C16orf96: variants seen among roughly 807,000 people sequenced by gnomAD.
C16orf96 encodes the protein uncharacterized protein C16orf96.
Under a neutral mutation model 103.6 loss-of-function variants are expected in C16orf96, and 108 were observed. The ratio of observed to expected loss-of-function variants is 1.04; its 90% CI spans 0.89 to 1.22. The LOEUF (loss-of-function observed/expected upper bound fraction) is 1.22, where lower values mean the gene tolerates loss of function less well. Ranked by LOEUF, C16orf96 falls within the 50% of genes most tolerant of loss-of-function variation. The pLI is 0.00. For missense variants in C16orf96, 1,586 were observed against 1,464.2 expected, an observed-to-expected ratio of 1.08 and a Z score of -1.36; for synonymous variants, 566 against 593.5, an observed-to-expected ratio of 0.95 and a Z score of 0.67.
intron 1 of C16orf96, among the ~76,000 whole-genome samples, chr16:4,565,136 C>G (rs1292171074): frequency 6.6e-6 from 1 of 152,028 alleles, no homozygotes; most frequent in Non-Finnish European, 1.5e-5. Context: ...AAGTACTGGG[C>G]CCTAGCTGAA....
chr16:4,581,506 G>A (rs977409530), intron 7 of C16orf96, among the ~76,000 whole-genome samples: 4 of 151,042 alleles, frequency 2.6e-5, no homozygotes, highest in Admixed American at 6.6e-5. Flanking sequence ...GGTGGCTGGC[G>A]CCTGTAGTCC....
the C16orf96 span, among the ~76,000 whole-genome samples, chr16:4,551,085 C>A: frequency 6.6e-6 from 1 of 152,168 alleles, no homozygotes. Flanking sequence ...CCAGCCTGGC[C>A]AACATGGTGA....
rs529422002 is a variant in C16orf96 at position 4,568,884 on chromosome 16, C to T, written c.421-2677C>T. Among the ~76,000 whole-genome samples the T allele has an allele frequency of 2.6e-5, 4 of 152,086 alleles. No homozygotes were observed. In the South Asian group the frequency reaches 6.2e-4, roughly 24 times the overall value. On this transcript the variant is annotated intron_variant, in intron 1 of 15. Transcript: ENST00000444310. The stretch of plus-strand genomic sequence containing the variant: ...GGCTCAAGTGATCCACCTGCTTCAG[C>T]CCCCCAAAATGCTGGGATTACAGAT...
At position 4,556,540 on chromosome 16, in the gene C16orf96, G is replaced by A. The variant is rs936589840; in HGVS notation, c.51G>A (p.Gln17=). 3.2e-6 allele frequency: 5 copies of A among 1,550,246 alleles called. No homozygotes were observed. The highest frequency in any genetic ancestry group is 4.4e-6 in the Non-Finnish European group (5 of 1,146,068). Residue 17 remains glutamine (Q), a synonymous_variant, in exon 1 of 16, where the codon CAG becomes CAA. Transcript: ENST00000444310. Reference sequence around the variant, plus strand: ...AGCTGGCCAACATCGCCATCCCACAGTGCGGGGTGCTGAACTTCAAGGCCC... The same window carrying A: ...AGCTGGCCAACATCGCCATCCCACAATGCGGGGTGCTGAACTTCAAGGCCC... ...FTELANIAIP[Q]CGVLNFKALH...
In C16orf96 at chr16:4,592,323, G is replaced by C; in HGVS notation, c.2730G>C (p.Val910=). 3 of 1,551,690 alleles carry C rather than the reference G, an allele frequency of 1.9e-6. No individual in the cohort carries two copies. Among genetic ancestry groups the C allele is most frequent in the Non-Finnish European group, 2.6e-6 (3 of 1,146,986 alleles). ...AGFRRKLFKR[V]KCISCDRPVE... Reference sequence around the variant, plus strand: ...CTTTCAGGAAGCTGTTCAAGCGCGTGAAGTGCATCTCCTGTGACCGGCCTG... The same window carrying C: ...CTTTCAGGAAGCTGTTCAAGCGCGTCAAGTGCATCTCCTGTGACCGGCCTG... Residue 910 remains valine (V), a synonymous_variant, in exon 11 of 16, where the codon GTG becomes GTC. Transcript: ENST00000444310.
the C16orf96 span, among the ~76,000 whole-genome samples, chr16:4,551,043 C>A: frequency 6.6e-6 from 1 of 152,170 alleles, no homozygotes; most frequent in Admixed American, 6.6e-5. Context: ...GAGGCTGAGG[C>A]CAGAGGACCG....
chr16:4,538,705 C>T, the C16orf96 span: 1 of 152,286 alleles, frequency 6.6e-6, no homozygotes, highest in Non-Finnish European at 1.5e-5. Context: ...GACTCACCGT[C>T]CCCGCAGCCC....
At chr16:4,589,314 C>T (rs1897002491) in intron 9 of C16orf96, among the ~76,000 whole-genome samples, 1 of 151,956 alleles carries the variant, frequency 6.6e-6, no homozygotes, top group South Asian at 2.1e-4. Context: ...TGTGGTGGCT[C>T]ACGCCTGTTA....
chr16:4,594,644 A>G (rs1200473107), intron 13 of C16orf96, 60 bp from the exon 14 acceptor site: 2 of 1,544,916 alleles, frequency 1.3e-6, no homozygotes, highest in Non-Finnish European at 1.8e-6. Context: ...TGCGTGTACC[A>G]AAGTTCGGGG....
Position 4,575,207 on chromosome 16 carries a change from T to A in C16orf96, c.727T>A (p.Ser243Thr). The change falls in exon 5 of 16, where the codon TCT becomes ACT. Residue 243 changes from serine to threonine, a missense_variant. By Grantham distance (58) the Ser-to-Thr change is moderately conservative (BLOSUM62 1). Coordinates refer to ENST00000444310, the MANE Select transcript of C16orf96 (RefSeq NM_001145011.2). ...TTCATCACCACTGGACCTGTGGCAG[T>A]CTGTAGAGCAGCTCCCAGAGGCTGC... ...IGSSPLDLWQ[S>T]VEQLPEAALA... 6.5e-7 allele frequency: 1 copy of A among 1,547,194 alleles called. No homozygotes were observed. Among genetic ancestry groups the A allele is most frequent in the Non-Finnish European group, 8.7e-7 (1 of 1,146,906 alleles).
intron 1 of C16orf96, among the ~76,000 whole-genome samples, chr16:4,570,327 T>C (rs1318755943): frequency 6.6e-6 from 1 of 152,162 alleles, no homozygotes. Context: ...CTTTCAGTTC[T>C]GTCAGTGTTT....
chr16:4,579,633 A>G (rs2059558825), intron 6 of C16orf96, among the ~76,000 whole-genome samples: 1 of 138,440 alleles, frequency 7.2e-6, no homozygotes, highest in Non-Finnish European at 1.5e-5. Context: ...TTTTTTTGAG[A>G]CGGAATCTTG....
chr16:4,561,265 C>G (rs1479365586), intron 1 of C16orf96: 1 of 152,156 alleles, frequency 6.6e-6, no homozygotes. Context: ...CAAGATCGCG[C>G]CACCACACTC....
chr16:4,573,645 A>G (rs2059465294), intron 2 of C16orf96, among the ~76,000 whole-genome samples: 1 of 149,740 alleles, frequency 6.7e-6, no homozygotes, highest in Admixed American at 6.7e-5. Context: ...CCAGTTACTC[A>G]GGAGGCTGAG....
intron 1 of C16orf96, chr16:4,562,954 C>G: frequency 7.2e-7 from 1 of 1,386,334 alleles, no homozygotes. Flanking sequence ...TCAATTAGCA[C>G]TTTGCCTTTA....
At position 4,571,552 on chromosome 16, in the gene C16orf96, C is replaced by T. The variant is rs2059438604; in HGVS notation, c.421-9C>T. On this transcript the variant is annotated splice_polypyrimidine_tract_variant and intron_variant, in intron 1 of 15. Transcript: ENST00000444310. ...ACCCGGCTTCACATTTTCTCCTCCTCTTTTGCAGTCAATGCAGACCCTGCA... is the reference window on the plus strand; with the variant it reads ...ACCCGGCTTCACATTTTCTCCTCCTTTTTTGCAGTCAATGCAGACCCTGCA... 6.4e-7 allele frequency: 1 copy of T among 1,550,918 alleles called. No individual in the cohort carries two copies. The highest frequency in any genetic ancestry group is 2.0e-5 in the Admixed American group (1 of 50,768).
At chr16:4,569,945 G>A (rs919794024) in intron 1 of C16orf96, among the ~76,000 whole-genome samples, 3 of 152,118 alleles carry the variant, frequency 2.0e-5, no homozygotes, top group Non-Finnish European at 2.9e-5. Context: ...TTCCCAGGAA[G>A]GTGCCAACTC....
chr16:4,575,105 C>G (rs368217239), intron 4 of C16orf96, 47 bp downstream of exon 4: 3 of 1,549,514 alleles, frequency 1.9e-6, no homozygotes, highest in Non-Finnish European at 2.6e-6. Flanking sequence ...GGGGAGCAGG[C>G]GGGTGGCTGA....
intron 7 of C16orf96, among the ~76,000 whole-genome samples, chr16:4,584,810 A>G (rs556163652): frequency 6.6e-6 from 1 of 152,126 alleles, no homozygotes; most frequent in Non-Finnish European, 1.5e-5. Flanking sequence ...CTGGGATTAC[A>G]GGCGTGAGCC....
Sources: gnomAD v4.1 joint callset for allele counts (sites outside exome capture counted in the v4.1 genomes callset) on GRCh38, gnomAD v4.1.1 for gene constraint, MANE v1.5 for transcripts, NCBI Gene and HGNC (gene_info 2026-07-23, HGNC 2026-07-21) for gene names.